The following ESRRG variants were observed in gnomAD, a reference collection of about 807,000 sequenced individuals.
ESRRG encodes the protein estrogen-related receptor gamma.
A neutral mutation model predicts 44.0 loss-of-function variants in ESRRG; 13 were observed. That is an observed-to-expected ratio of 0.30 (90% CI 0.19 to 0.47). The LOEUF (loss-of-function observed/expected upper bound fraction) is 0.47, where lower values mean the gene tolerates loss of function less well. Ranked by LOEUF, ESRRG falls within the 20% of genes least tolerant of loss-of-function variation. The pLI is 1.00. For synonymous variants in ESRRG, 215 were observed against 214.6 expected, an observed-to-expected ratio of 1.00 and a Z score of -0.02; for missense variants, 395 against 580.6, an observed-to-expected ratio of 0.68 and a Z score of 3.29.
At chr1:216,972,056 GT>G (rs937192558) in intron 1 of ESRRG, among the ~76,000 whole-genome samples, 7 of 151,690 alleles carry the variant, frequency 4.6e-5, no homozygotes, top group East Asian at 1.9e-4. Flanking sequence ...AATTGGTAGA[GT>G]TTTTTTTTCT....
chr1:216,919,055 T>C (rs1268138423), intron 2 of ESRRG, among the ~76,000 whole-genome samples: 1 of 152,132 alleles, frequency 6.6e-6, no homozygotes, highest in Admixed American at 6.6e-5. Flanking sequence ...CATATTTTTA[T>C]GTCAGTTTCA....
At chr1:216,615,473 A>T (rs2061297836) in intron 3 of ESRRG, among the ~76,000 whole-genome samples, 1 of 152,116 alleles carries the variant, frequency 6.6e-6, no homozygotes, top group Non-Finnish European at 1.5e-5. Context: ...CATGACGTAC[A>T]ATCTCTGTTA....
At chr1:216,568,906 T>A (rs1004341355) in intron 3 of ESRRG, among the ~76,000 whole-genome samples, 1 of 151,840 alleles carries the variant, frequency 6.6e-6, no homozygotes, top group Non-Finnish European at 1.5e-5. Context: ...AATACAAAAT[T>A]AGCCAGGCGT....
At chr1:217,127,414 C>T (rs917219943) in intron 1 of ESRRG, among the ~76,000 whole-genome samples, 1 of 152,210 alleles carries the variant, frequency 6.6e-6, no homozygotes, top group African/African-American at 2.4e-5. Context: ...CTTGAAAACT[C>T]ACCTCCAGCT....
chr1:216,685,716 T>A (rs1049034437), intron 1 of ESRRG, among the ~76,000 whole-genome samples: 1 of 152,214 alleles, frequency 6.6e-6, no homozygotes, highest in Non-Finnish European at 1.5e-5. Context: ...CCCTTTCCTA[T>A]TCTCTGCTAT....
intron 3 of ESRRG, among the ~76,000 whole-genome samples, chr1:216,611,327 A>T (rs1438646176): frequency 6.6e-6 from 1 of 151,590 alleles, no homozygotes; most frequent in African/African-American, 2.4e-5. Flanking sequence ...TTCTTTTCAT[A>T]TAAATCAATA....
chr1:216,775,814 C>A (rs2152413884), intron 2 of ESRRG, among the ~76,000 whole-genome samples: 1 of 152,010 alleles, frequency 6.6e-6, no homozygotes, highest in Non-Finnish European at 1.5e-5. Context: ...ATCCGCCTTT[C>A]TTGGCCTCCC....
chr1:216,658,262 G>T (rs561442320), intron 2 of ESRRG, among the ~76,000 whole-genome samples: 1 of 152,090 alleles, frequency 6.6e-6, no homozygotes, highest in African/African-American at 2.4e-5. Context: ...GCTATAAAAT[G>T]AGGACAAATT....
intron 2 of ESRRG, among the ~76,000 whole-genome samples, chr1:216,675,069 A>C (rs2075854208): frequency 6.6e-6 from 1 of 151,804 alleles, no homozygotes; most frequent in Admixed American, 6.6e-5. Context: ...TGCTCTTAAA[A>C]GGGAAGGTGG....
intron 1 of ESRRG, among the ~76,000 whole-genome samples, chr1:216,712,181 T>C (rs1003721736): frequency 1.3e-5 from 2 of 152,218 alleles, no homozygotes; most frequent in African/African-American, 4.8e-5. Flanking sequence ...AAACATTTCA[T>C]GTGAAATGAA....
intron 5 of ESRRG, among the ~76,000 whole-genome samples, chr1:216,545,892 G>T (rs1165783282): frequency 6.6e-6 from 1 of 152,018 alleles, no homozygotes; most frequent in Non-Finnish European, 1.5e-5. Context: ...AATATACCCT[G>T]TCTGCTCTGC....
At chr1:216,637,824 AGT>A in intron 3 of ESRRG, among the ~76,000 whole-genome samples, 1 of 151,896 alleles carries the variant, frequency 6.6e-6, no homozygotes, top group Non-Finnish European at 1.5e-5. Context: ...TTGTCAGTGT[AGT>A]CAATATACTT....
intron 1 of ESRRG, among the ~76,000 whole-genome samples, chr1:216,704,096 C>T (rs1232412190): frequency 6.6e-6 from 1 of 152,038 alleles, no homozygotes; most frequent in Non-Finnish European, 1.5e-5. Context: ...TGTTCCGTTC[C>T]CCATATAGAC....
At chr1:216,898,790 A>T (rs1018647093) in intron 2 of ESRRG, among the ~76,000 whole-genome samples, 3 of 152,176 alleles carry the variant, frequency 2.0e-5, no homozygotes, top group African/African-American at 7.2e-5. Flanking sequence ...TTTCTAGGTC[A>T]CTGCACCACA....
intron 2 of ESRRG, among the ~76,000 whole-genome samples, chr1:216,870,549 C>A (rs2096245783): frequency 6.6e-6 from 1 of 151,880 alleles, no homozygotes. Flanking sequence ...TCATTCTTCA[C>A]CTATTTTCTG....
chr1:216,745,424 C>T (rs1302700077), intron 2 of ESRRG, among the ~76,000 whole-genome samples: 1 of 152,182 alleles, frequency 6.6e-6, no homozygotes, highest in Non-Finnish European at 1.5e-5. Context: ...CTACTGGCCT[C>T]AAGCGATCTT....
intron 2 of ESRRG, among the ~76,000 whole-genome samples, chr1:216,857,617 G>A (rs1460732219): frequency 6.6e-6 from 1 of 151,246 alleles, no homozygotes; most frequent in East Asian, 1.9e-4. Context: ...ATCTAATTCT[G>A]CAACTCTGTG....
intron 3 of ESRRG, among the ~76,000 whole-genome samples, chr1:216,613,450 T>C (rs560434026): frequency 6.6e-6 from 1 of 152,198 alleles, no homozygotes; most frequent in Non-Finnish European, 1.5e-5. Flanking sequence ...TATAAGTTTT[T>C]CCCTCTTTAT....
chr1:216,554,542 T>C (rs1370061824), intron 5 of ESRRG, among the ~76,000 whole-genome samples: 1 of 151,734 alleles, frequency 6.6e-6, no homozygotes, highest in Non-Finnish European at 1.5e-5. Flanking sequence ...AGGCTGAGGA[T>C]GGAGGACTGC....
Sources: gnomAD v4.1 joint callset for allele counts (sites outside exome capture counted in the v4.1 genomes callset) on GRCh38, gnomAD v4.1.1 for gene constraint, MANE v1.5 for transcripts, NCBI Gene and HGNC (gene_info 2026-07-23, HGNC 2026-07-21) for gene names.